KCNQ1: variants seen among roughly 807,000 people sequenced by gnomAD.
The protein encoded by KCNQ1 is potassium voltage-gated channel subfamily Q member 1.
A neutral mutation model predicts 72.4 loss-of-function variants in KCNQ1; 49 were observed. The ratio of observed to expected loss-of-function variants is 0.68; its 90% CI spans 0.54 to 0.86. The LOEUF is 0.86. Among genes scored for constraint, KCNQ1 ranks in the 40% least tolerant of loss-of-function variants. KCNQ1 has a pLI of 0.00. For missense variants in KCNQ1, 790 were observed against 945.1 expected (o/e 0.84, Z 2.15); for synonymous variants, 450 against 412.6 (o/e 1.09, Z -1.10).
At chr11:2,847,039 T>C (rs568225259) in intron 15 of KCNQ1, among the ~76,000 whole-genome samples, 2 of 152,208 alleles carry the variant, frequency 1.3e-5, no homozygotes, top group East Asian at 1.9e-4. Flanking sequence ...TCTGGGAAAA[T>C]AGTGGTGTCC....
chr11:2,821,992 C>T (rs1370563162), intron 15 of KCNQ1, among the ~76,000 whole-genome samples: 1 of 152,062 alleles, frequency 6.6e-6, no homozygotes, highest in Non-Finnish European at 1.5e-5. Flanking sequence ...TATCCAGGGG[C>T]CCCGAATGTG....
In KCNQ1 at chr11:2,682,809, G is replaced by C; in HGVS notation, c.1514+20728G>C. On this transcript the variant is annotated intron_variant, in intron 11 of 15. Transcript: ENST00000155840. This position sits in a 1 kb window ranked among gnomAD's most constrained non-coding sequence, Gnocchi z 5.8. ...GCACCATGAAATGCAGTGACTTGCA[G>C]TGATCCTCCTGGGGCCTTGTATAGA... 1 of 398,644 alleles carries C rather than the reference G, an allele frequency of 2.5e-6. No individual in the cohort carries two copies. The highest frequency in any genetic ancestry group is 4.4e-6 in the Non-Finnish European group (1 of 226,070). The allele number at this position is 398,644 out of a possible 1,614,324, so 24.7% of individuals were successfully genotyped here.
rs1846559235 is a variant in KCNQ1, at chr11:2,475,701, G to A, written c.386+30217G>A. 6.6e-6 allele frequency among the ~76,000 whole-genome samples: 1 copy of A among 152,184 alleles called. No individual in the cohort carries two copies. The highest frequency in any genetic ancestry group is 2.1e-4 in the South Asian group (1 of 4,824). On this transcript the variant is annotated intron_variant, in intron 1 of 15. Transcript: ENST00000155840. This position sits in a 1 kb window ranked among gnomAD's most constrained non-coding sequence, Gnocchi z 5.8. Reference sequence around the variant, plus strand: ...TCATCTTGAATTCCCTGTGTTGTGGGAGGGACCTGGTGGGGGGTAATTGAA... The same window carrying A: ...TCATCTTGAATTCCCTGTGTTGTGGAAGGGACCTGGTGGGGGGTAATTGAA...
chr11:2,730,059 G>T (rs1037099012), intron 11 of KCNQ1, among the ~76,000 whole-genome samples: 1 of 152,152 alleles, frequency 6.6e-6, no homozygotes, highest in African/African-American at 2.4e-5. Flanking sequence ...GCTAGGACAC[G>T]TGAAGCCCTG....
At chr11:2,487,192 C>T (rs113955591) in intron 1 of KCNQ1, among the ~76,000 whole-genome samples, 14 of 152,200 alleles carry the variant, frequency 9.2e-5, no homozygotes, top group East Asian at 3.9e-4. Flanking sequence ...ATTTATGCCA[C>T]GGTTTATTTC....
chr11:2,796,909 C>T (rs573364031), intron 15 of KCNQ1, among the ~76,000 whole-genome samples: 11 of 152,350 alleles, frequency 7.2e-5, no homozygotes, highest in Admixed American at 2.6e-4. Context: ...GCCTTTATCC[C>T]GACCGTAAAT....
rs1373304903 is a variant in KCNQ1, at chr11:2,599,702, C to T, written c.1393+10848C>T. Among the ~76,000 whole-genome samples the T allele has an allele frequency of 2.6e-5, 4 of 152,342 alleles. No individual in the cohort carries two copies. In the South Asian group the frequency reaches 8.3e-4, roughly 32 times the overall value. On this transcript the variant is annotated intron_variant, in intron 10 of 15. Coordinates refer to ENST00000155840, the MANE Select transcript of KCNQ1 (RefSeq NM_000218.3). The surrounding 1 kb of genome is among the most constrained non-coding windows in gnomAD (Gnocchi z 4.7). ...CTTTCCTTGCCTTGCAGATGGCCGC[C>T]TTCTTCCTGTGTCATCACATGACCA...
intron 11 of KCNQ1, chr11:2,693,008 G>A (rs552120856): frequency 5.3e-5 from 21 of 398,620 alleles, no homozygotes; most frequent in South Asian, 1.3e-4. Flanking sequence ...AAGCAAGCAC[G>A]CTCAGTGAAG....
intron 11 of KCNQ1, among the ~76,000 whole-genome samples, chr11:2,707,769 A>G (rs560140730): frequency 5.2e-4 from 79 of 152,372 alleles, no homozygotes; most frequent in African/African-American, 1.9e-3. Context: ...AGAAGCTACT[A>G]GAGCTGGGCT....
chr11:2,575,552 A>G (rs1053527726), intron 6 of KCNQ1, among the ~76,000 whole-genome samples: 1 of 152,150 alleles, frequency 6.6e-6, no homozygotes, highest in African/African-American at 2.4e-5. Context: ...AGTTTTGCCA[A>G]TTTGCAACTG....
At chr11:2,606,375 G>C (rs571678601) in intron 10 of KCNQ1, among the ~76,000 whole-genome samples, 5 of 152,214 alleles carry the variant, frequency 3.3e-5, no homozygotes, top group Admixed American at 1.3e-4. Context: ...TCTGGTGGGG[G>C]GTGTCTGGAT....
intron 1 of KCNQ1, among the ~76,000 whole-genome samples, chr11:2,517,026 CA>C (rs1564803606): frequency 6.6e-6 from 1 of 152,182 alleles, no homozygotes; most frequent in East Asian, 1.9e-4. Context: ...CGGCTGTGTT[CA>C]CCCCCCAGGC....
chr11:2,765,517 G>A (rs1176154302), intron 11 of KCNQ1, among the ~76,000 whole-genome samples: 1 of 152,196 alleles, frequency 6.6e-6, no homozygotes, highest in African/African-American at 2.4e-5. Flanking sequence ...TAATCAGGCT[G>A]TTCAAATTTG....
intron 2 of KCNQ1, among the ~76,000 whole-genome samples, chr11:2,553,164 T>TTTTG (rs200154711): frequency 0.085 from 11,393 of 134,238 alleles, 796 homozygotes; most frequent in African/African-American, 0.24. Context: ...TTTTTTTTGT[T>TTTTG]TTTTTTTTTT....
intron 3 of KCNQ1, among the ~76,000 whole-genome samples, 180 bp from the exon 4 acceptor site, chr11:2,571,145 G>A (rs1320864256): frequency 6.6e-6 from 1 of 152,144 alleles, no homozygotes; most frequent in Non-Finnish European, 1.5e-5. Flanking sequence ...ACAGAGGTTG[G>A]GTCTCTCCGT....
rs1846939584 is a variant in KCNQ1 at position 2,787,746 on chromosome 11, G to A, written c.1794+9709G>A. ...CAATTTAGACACCGAGTTTTCATGAGAACGACTTGGTCTGTATTTAGATTT... is the reference window on the plus strand; with the variant it reads ...CAATTTAGACACCGAGTTTTCATGAAAACGACTTGGTCTGTATTTAGATTT... On this transcript the variant is annotated intron_variant, in intron 15 of 15. Transcript: ENST00000155840. This position sits in a 1 kb window ranked among gnomAD's most constrained non-coding sequence, Gnocchi z 6.3. Among the ~76,000 whole-genome samples, 1 of 152,094 alleles carries A rather than the reference G, an allele frequency of 6.6e-6. No individual in the cohort carries two copies. The highest frequency in any genetic ancestry group is 2.4e-5 in the African/African-American group (1 of 41,408).
chr11:2,630,180 T>A (rs4271371), intron 10 of KCNQ1: 1 of 398,072 alleles, frequency 2.5e-6, no homozygotes, highest in Non-Finnish European at 4.4e-6. Flanking sequence ...AATGATTGTA[T>A]GATTTTTATC....
intron 15 of KCNQ1, among the ~76,000 whole-genome samples, chr11:2,841,576 C>G (rs957851957): frequency 6.6e-6 from 1 of 152,196 alleles, no homozygotes; most frequent in Non-Finnish European, 1.5e-5. Context: ...ATACAGGATT[C>G]GGGCCGGCTT....
chr11:2,661,388 AGCTGTTGGAGGGACTCCTGT>A lies in KCNQ1; in HGVS notation c.1394-570_1394-551del, dbSNP rs1365877072. ...GGCCCAGGAATCATAATGTGAAGCC[AGCTGTTGGAGGGACTCCTGT>A]GCCTCATTGGGGGTACAACTGGTTG... On this transcript the variant is annotated intron_variant, in intron 10 of 15. Coordinates refer to ENST00000155840, the MANE Select transcript of KCNQ1 (RefSeq NM_000218.3). The surrounding 1 kb of genome is among the most constrained non-coding windows in gnomAD (Gnocchi z 5.9). The A allele has an allele frequency of 4.9e-6, 2 of 407,760 alleles. No individual in the cohort carries two copies. The highest frequency in any genetic ancestry group is 8.7e-6 in the Non-Finnish European group (2 of 231,020). 25.3% of individuals were successfully genotyped at this position (407,760 alleles called of 1,614,324 possible).
Sources: allele counts gnomAD v4.1 joint callset (sites outside exome capture counted in the v4.1 genomes callset), GRCh38; gene constraint gnomAD v4.1.1; non-coding constraint Gnocchi (gnomAD v3.1); transcripts MANE v1.5; gene names NCBI Gene and HGNC (gene_info 2026-07-23, HGNC 2026-07-21).